Variants in ARL15 observed in about 807,000 individuals in gnomAD.
The protein encoded by ARL15 is ADP-ribosylation factor-like protein 15.
A neutral mutation model predicts 25.2 loss-of-function variants in ARL15; 19 were observed. The observed-to-expected ratio is 0.75, with a 90% CI of 0.53 to 1.10. The LOEUF (loss-of-function observed/expected upper bound fraction) is 1.10. ARL15 is among the 50% of genes least tolerant of loss of function. The pLI is 0.00. For synonymous variants in ARL15, 94 were observed against 86.8 expected (o/e 1.08, Z -0.46); for missense variants, 220 against 246.0 (o/e 0.89, Z 0.71).
At chr5:54,033,216 G>C (rs953436856) in intron 4 of ARL15, among the ~76,000 whole-genome samples, 3 of 152,078 alleles carry the variant, frequency 2.0e-5, no homozygotes, top group Admixed American at 6.6e-5. Context: ...GGGAGGCTGA[G>C]GCAGGAGAAT....
chr5:54,040,956 T>C (rs139465065), intron 4 of ARL15, among the ~76,000 whole-genome samples: 1 of 152,330 alleles, frequency 6.6e-6, no homozygotes, highest in East Asian at 1.9e-4. Context: ...GGACCTTATT[T>C]TATTGTGATT....
At chr5:54,004,291 G>A (rs895052638) in intron 4 of ARL15, among the ~76,000 whole-genome samples, 3 of 152,002 alleles carry the variant, frequency 2.0e-5, no homozygotes, top group East Asian at 1.9e-4. Flanking sequence ...TCAAGAGATC[G>A]AGACCATCCT....
At chr5:54,244,702 C>G (rs970626405) in intron 1 of ARL15, among the ~76,000 whole-genome samples, 1 of 152,014 alleles carries the variant, frequency 6.6e-6, no homozygotes, top group Non-Finnish European at 1.5e-5. Flanking sequence ...AAGGTGGACA[C>G]TATCTGCCTC....
At chr5:53,901,694 A>T (rs1580061814) in intron 4 of ARL15, among the ~76,000 whole-genome samples, 1 of 152,040 alleles carries the variant, frequency 6.6e-6, no homozygotes, top group East Asian at 1.9e-4. Flanking sequence ...GCACATCCTG[A>T]TATTACAAAG....
At chr5:54,211,485 T>TTTTC (rs1756040782) in intron 1 of ARL15, among the ~76,000 whole-genome samples, 2 of 151,272 alleles carry the variant, frequency 1.3e-5, no homozygotes, top group South Asian at 4.2e-4. Context: ...TTTTTTTTTT[T>TTTTC]TTGAGACAGA....
chr5:54,233,659 T>C (rs1448535008), intron 1 of ARL15, among the ~76,000 whole-genome samples: 1 of 152,262 alleles, frequency 6.6e-6, no homozygotes, highest in Non-Finnish European at 1.5e-5. Flanking sequence ...TTCACTGATA[T>C]GGTTTCAGGT....
intron 4 of ARL15, among the ~76,000 whole-genome samples, chr5:54,055,524 C>A (rs1750840284): frequency 6.6e-6 from 1 of 151,956 alleles, no homozygotes; most frequent in South Asian, 2.1e-4. Flanking sequence ...ACAAGTCCAG[C>A]TAATTTTTGT....
chr5:54,049,160 A>T (rs982758405), intron 4 of ARL15, among the ~76,000 whole-genome samples: 1 of 152,136 alleles, frequency 6.6e-6, no homozygotes, highest in African/African-American at 2.4e-5. Flanking sequence ...TTTCAAAAGT[A>T]ACTGCCTATA....
At chr5:54,077,278 A>G (rs1751640301) in intron 4 of ARL15, among the ~76,000 whole-genome samples, 1 of 152,190 alleles carries the variant, frequency 6.6e-6, no homozygotes, top group South Asian at 2.1e-4. Context: ...TATCATGAAA[A>G]TAACACGGAA....
chr5:54,117,141 A>T (rs140180009), intron 3 of ARL15, among the ~76,000 whole-genome samples: 2,157 of 152,304 alleles, frequency 0.014, 21 homozygotes, highest in Non-Finnish European at 0.022. Flanking sequence ...ACAAATTACA[A>T]TGAGGCCTGC....
chr5:54,039,358 G>C (rs1312630679), intron 4 of ARL15, among the ~76,000 whole-genome samples: 2 of 151,992 alleles, frequency 1.3e-5, no homozygotes, highest in Non-Finnish European at 2.9e-5. Context: ...TGTAGAATAG[G>C]TTATATACAT....
intron 4 of ARL15, among the ~76,000 whole-genome samples, chr5:53,897,962 T>C (rs1744927389): frequency 6.6e-6 from 1 of 152,198 alleles, no homozygotes; most frequent in Non-Finnish European, 1.5e-5. Context: ...TTGTATATTA[T>C]ATGCACATTA....
At chr5:53,962,454 G>T (rs959344052) in intron 4 of ARL15, among the ~76,000 whole-genome samples, 1 of 152,090 alleles carries the variant, frequency 6.6e-6, no homozygotes, top group Non-Finnish European at 1.5e-5. Flanking sequence ...GATCCTGGGA[G>T]TTGGAAGCCA....
chr5:54,293,489 T>C (rs1004749157), intron 1 of ARL15, among the ~76,000 whole-genome samples: 7 of 152,228 alleles, frequency 4.6e-5, no homozygotes, highest in African/African-American at 1.4e-4. Context: ...AACATGTTAG[T>C]TCCTCCCCTA....
At chr5:54,246,812 A>G (rs1436428874) in intron 1 of ARL15, among the ~76,000 whole-genome samples, 5 of 115,260 alleles carry the variant, frequency 4.3e-5, no homozygotes, top group Middle Eastern at 4.1e-3. Flanking sequence ...ACACACACAC[A>G]CACACACACA....
At chr5:54,233,177 G>A (rs377083545) in intron 1 of ARL15, among the ~76,000 whole-genome samples, 2 of 152,132 alleles carry the variant, frequency 1.3e-5, no homozygotes, top group Non-Finnish European at 2.9e-5. Context: ...TATTCTGTGT[G>A]ATGAAATACA....
At chr5:54,120,777 T>C (rs541188409) in intron 3 of ARL15, among the ~76,000 whole-genome samples, 11 of 152,320 alleles carry the variant, frequency 7.2e-5, no homozygotes, top group East Asian at 5.8e-4. Flanking sequence ...TTTGCTGCAA[T>C]TGACGTTGAC....
chr5:53,907,025 C>T (rs1227328223), intron 4 of ARL15, among the ~76,000 whole-genome samples: 1 of 152,064 alleles, frequency 6.6e-6, no homozygotes, highest in East Asian at 1.9e-4. Context: ...AGGGGATTAA[C>T]CAACTGGATG....
rs564517582 is a variant in ARL15, at chr5:54,141,518, G to T, written c.253+13062C>A. Among the ~76,000 whole-genome samples the T allele has an allele frequency of 3.3e-5, 5 of 152,146 alleles. No homozygotes were observed. In the East Asian group the frequency reaches 9.7e-4, roughly 29 times the overall value. On this transcript the variant is annotated intron_variant, in intron 3 of 4. Coordinates refer to ENST00000504924, the MANE Select transcript of ARL15 (RefSeq NM_019087.3). ...GTATCTTTTAATTTTGCAAGTTATAGAAATATTTTTAATAGTTTTAGTGTG... is the reference window on the plus strand; with the variant it reads ...GTATCTTTTAATTTTGCAAGTTATATAAATATTTTTAATAGTTTTAGTGTG...
Sources: gnomAD v4.1 joint callset for allele counts (sites outside exome capture counted in the v4.1 genomes callset) on GRCh38, gnomAD v4.1.1 for gene constraint, MANE v1.5 for transcripts, NCBI Gene and HGNC (gene_info 2026-07-23, HGNC 2026-07-21) for gene names.